The following SEMA6D variants were observed in gnomAD, a reference collection of about 807,000 sequenced individuals.
The protein encoded by SEMA6D is semaphorin 6D.
SEMA6D carries 35 observed loss-of-function variants against 106.6 expected under a neutral mutation model. That is an observed-to-expected ratio of 0.33 (90% CI 0.25 to 0.44). SEMA6D has a LOEUF of 0.44. Ranked by LOEUF, SEMA6D falls within the 20% of genes least tolerant of loss-of-function variation. The pLI, the probability that SEMA6D is intolerant of heterozygous loss-of-function variation, is 1.00. For missense variants in SEMA6D, 1,185 were observed against 1,345.9 expected, an observed-to-expected ratio of 0.88 and a Z score of 1.87; for synonymous variants, 499 against 487.7, an observed-to-expected ratio of 1.02 and a Z score of -0.31.
At chr15:47,562,394 A>G (rs577741172) in intron 3 of SEMA6D, among the ~76,000 whole-genome samples, 1 of 152,244 alleles carries the variant, frequency 6.6e-6, no homozygotes, top group South Asian at 2.1e-4. Context: ...TGGTTAATCA[A>G]TGAGTTTTAT....
At chr15:47,211,845 A>C (rs1384174128) in intron 1 of SEMA6D, among the ~76,000 whole-genome samples, 1 of 152,158 alleles carries the variant, frequency 6.6e-6, no homozygotes, top group African/African-American at 2.4e-5. Context: ...GTTACCTTTA[A>C]TTAAAGGAGT....
At chr15:47,386,655 T>C (rs977184587) in intron 1 of SEMA6D, among the ~76,000 whole-genome samples, 1 of 152,176 alleles carries the variant, frequency 6.6e-6, no homozygotes, top group African/African-American at 2.4e-5. Context: ...TGCTCAGGCA[T>C]TGGCTGGCAG....
chr15:47,569,396 A>C (rs539052948), intron 3 of SEMA6D, among the ~76,000 whole-genome samples: 7 of 152,250 alleles, frequency 4.6e-5, no homozygotes, highest in African/African-American at 1.7e-4. Context: ...ACTGTGGCCT[A>C]CAGTGCCCAT....
intron 1 of SEMA6D, among the ~76,000 whole-genome samples, chr15:47,199,323 A>C (rs958012502): frequency 6.6e-6 from 1 of 152,144 alleles, no homozygotes; most frequent in African/African-American, 2.4e-5. Context: ...ATTCCTGTGA[A>C]TTCACAATAC....
chr15:47,656,054 C>T (rs1339714317), intron 4 of SEMA6D, among the ~76,000 whole-genome samples: 1 of 152,212 alleles, frequency 6.6e-6, no homozygotes, highest in Non-Finnish European at 1.5e-5. Flanking sequence ...TGGCTCCCAA[C>T]CATAATGCTG....
At chr15:47,389,536 T>G (rs905998357) in intron 1 of SEMA6D, among the ~76,000 whole-genome samples, 2 of 152,170 alleles carry the variant, frequency 1.3e-5, no homozygotes, top group African/African-American at 4.8e-5. Context: ...TTTAATGTAC[T>G]TAGAGGTTAA....
intron 1 of SEMA6D, among the ~76,000 whole-genome samples, chr15:47,742,022 A>C (rs2080851520): frequency 6.6e-6 from 1 of 152,174 alleles, no homozygotes; most frequent in Non-Finnish European, 1.5e-5. Context: ...TTTGCCAGTC[A>C]GAGGAGCTGC....
At chr15:47,388,764 A>C (rs756499140) in intron 1 of SEMA6D, among the ~76,000 whole-genome samples, 1 of 151,482 alleles carries the variant, frequency 6.6e-6, no homozygotes. Context: ...AGAAAAGGAG[A>C]TAGGAGGAGG....
intron 4 of SEMA6D, among the ~76,000 whole-genome samples, chr15:47,690,119 T>C (rs1408307322): frequency 6.6e-6 from 1 of 152,232 alleles, no homozygotes; most frequent in Non-Finnish European, 1.5e-5. Flanking sequence ...GCTGCCCATC[T>C]GCAGACATGG....
chr15:47,266,827 G>A (rs2034343193), intron 1 of SEMA6D, among the ~76,000 whole-genome samples: 1 of 152,110 alleles, frequency 6.6e-6, no homozygotes, highest in African/African-American at 2.4e-5. Context: ...GGAAATGGAA[G>A]GAGAAGATTC....
chr15:47,297,398 T>C lies in SEMA6D; in HGVS notation c.-239+112980T>C, dbSNP rs559100262. On this transcript the variant is annotated intron_variant, in intron 1 of 19. Coordinates refer to the SEMA6D transcript ENST00000558014. ...CTCGTCAGTTTGTCTAGCCTTTTCA[T>C]ATAACCCGTTACTTTTTTCCTCTCA... 3.3e-5 allele frequency among the ~76,000 whole-genome samples: 5 copies of C among 152,288 alleles called. No individual in the cohort carries two copies. The East Asian group carries it at 9.7e-4, about 29-fold the overall frequency.
chr15:47,689,280 GGTTTGATAACCT>G (rs1389852501), intron 4 of SEMA6D, among the ~76,000 whole-genome samples: 4 of 152,104 alleles, frequency 2.6e-5, no homozygotes, highest in Non-Finnish European at 5.9e-5. Flanking sequence ...AATATCTCTA[GGTTTGATAACCT>G]GTTCAGAAAA....
intron 1 of SEMA6D, among the ~76,000 whole-genome samples, chr15:47,389,225 C>T (rs1170959514): frequency 1.3e-5 from 2 of 152,108 alleles, no homozygotes; most frequent in African/African-American, 4.8e-5. Flanking sequence ...TGTGAGACTA[C>T]ATTAGTTAAT....
chr15:47,425,477 A>G (rs1272622552), intron 2 of SEMA6D, among the ~76,000 whole-genome samples: 1 of 152,038 alleles, frequency 6.6e-6, no homozygotes, highest in East Asian at 1.9e-4. Flanking sequence ...ACAGAATCCT[A>G]TGTTTGATCC....
intron 1 of SEMA6D, among the ~76,000 whole-genome samples, chr15:47,409,975 T>C (rs1371638321): frequency 6.6e-6 from 1 of 152,076 alleles, no homozygotes; most frequent in African/African-American, 2.4e-5. Context: ...AAGTCGGTGT[T>C]AGAACCAAAT....
At chr15:47,300,896 C>A (rs1262820627) in intron 1 of SEMA6D, among the ~76,000 whole-genome samples, 1 of 152,200 alleles carries the variant, frequency 6.6e-6, no homozygotes, top group Non-Finnish European at 1.5e-5. Context: ...ACCATCCTTG[C>A]CATTGCCCTA....
At chr15:47,398,061 T>C (rs893378791) in intron 1 of SEMA6D, among the ~76,000 whole-genome samples, 1 of 152,238 alleles carries the variant, frequency 6.6e-6, no homozygotes, top group Admixed American at 6.5e-5. Flanking sequence ...CTAGCAAAAA[T>C]CCGTAGCAGT....
chr15:47,373,577 C>T (rs2145452379), intron 1 of SEMA6D, among the ~76,000 whole-genome samples: 1 of 152,240 alleles, frequency 6.6e-6, no homozygotes, highest in South Asian at 2.1e-4. Context: ...CCCTATCCCA[C>T]TTTTCTAATA....
rs200344279 is a variant in SEMA6D at position 47,375,396 on chromosome 15, A to G, written c.-238-36997A>G. Among the ~76,000 whole-genome samples the G allele has an allele frequency of 1.0e-4, 15 of 149,814 alleles. No individual in the cohort carries two copies. In the East Asian group the frequency reaches 2.5e-3, roughly 25 times the overall value. Reference sequence around the variant, plus strand: ...CTTCCTTCTTTTACTCTCCCATTCCACCTCCATTTTTCTATTTTCTTTTCA... The same window carrying G: ...CTTCCTTCTTTTACTCTCCCATTCCGCCTCCATTTTTCTATTTTCTTTTCA... On this transcript the variant is annotated intron_variant, in intron 1 of 19. Coordinates refer to the SEMA6D transcript ENST00000558014.
Sources: gnomAD v4.1 joint callset for allele counts (sites outside exome capture counted in the v4.1 genomes callset) on GRCh38, gnomAD v4.1.1 for gene constraint, MANE v1.5 for transcripts, NCBI Gene and HGNC (gene_info 2026-07-23, HGNC 2026-07-21) for gene names.